Variants in RUFY2 observed in about 807,000 individuals in gnomAD.
The protein encoded by RUFY2 is RUN and FYVE domain containing 2, also known as RUN and FYVE domain-containing protein 2.
RUFY2 carries 49 observed loss-of-function variants against 94.4 expected under a neutral mutation model. The ratio of observed to expected loss-of-function variants is 0.52; its 90% CI spans 0.41 to 0.66. RUFY2 has a LOEUF of 0.66. Ranked by LOEUF, RUFY2 falls within the 30% of genes least tolerant of loss-of-function variation. The pLI is 0.00. For synonymous variants in RUFY2, 255 were observed against 235.7 expected (o/e 1.08, Z -0.75); for missense variants, 541 against 692.8 (o/e 0.78, Z 2.46).
chr10:68,384,920 T>C (rs10509301), intron 8 of RUFY2, among the ~76,000 whole-genome samples: 14,313 of 152,166 alleles, frequency 0.094, 1,004 homozygotes, highest in South Asian at 0.25. Flanking sequence ...TAAAGATGCA[T>C]TCTTAACTGC....
chr10:68,368,449 C>T (rs998092147), intron 13 of RUFY2, among the ~76,000 whole-genome samples: 2 of 150,296 alleles, frequency 1.3e-5, no homozygotes, highest in Non-Finnish European at 2.9e-5. Flanking sequence ...CACCTGAGGT[C>T]GGGAGTTCAA....
At chr10:68,381,666 G>C (rs545712871) in intron 10 of RUFY2, among the ~76,000 whole-genome samples, 2 of 152,094 alleles carry the variant, frequency 1.3e-5, no homozygotes, top group African/African-American at 4.8e-5. Flanking sequence ...CCAACATGGT[G>C]AAACTCCGTC....
At chr10:68,399,700 T>C (rs2050666541) in intron 3 of RUFY2, among the ~76,000 whole-genome samples, 1 of 152,180 alleles carries the variant, frequency 6.6e-6, no homozygotes. Context: ...TTACAGAAAA[T>C]GCTTAATGCA....
Position 68,403,298 on chromosome 10 carries a change from C to A in RUFY2, c.178+1373G>T, listed in dbSNP as rs183772046. ...CAGAGTCTCACTCTGTCACCCTGGG[C>A]TGGAATGCAGTGGCACGATCTCAGC... On this transcript the variant is annotated intron_variant, in intron 2 of 17. Coordinates refer to ENST00000602465, the MANE Select transcript of RUFY2 (RefSeq NM_001330103.2). Among the ~76,000 whole-genome samples the A allele has an allele frequency of 5.9e-4, 90 of 152,072 alleles. 1 individual carries two copies. The highest frequency in any genetic ancestry group is 2.1e-3 in the African/African-American group (87 of 41,484).
intron 13 of RUFY2, among the ~76,000 whole-genome samples, chr10:68,366,872 T>TAA (rs1291806978): frequency 7.1e-6 from 1 of 140,806 alleles, no homozygotes. Flanking sequence ...ATTAAATAAA[T>TAA]ATATATATAT....
intron 14 of RUFY2, 99 bp downstream of exon 14, chr10:68,363,885 G>T: frequency 1.0e-6 from 1 of 966,020 alleles, no homozygotes; most frequent in Non-Finnish European, 1.5e-6. Context: ...AAGATGACTA[G>T]TATATCCATT....
intron 7 of RUFY2, among the ~76,000 whole-genome samples, chr10:68,389,618 T>C (rs542099233): frequency 6.6e-6 from 1 of 151,126 alleles, no homozygotes; most frequent in East Asian, 2.0e-4. Flanking sequence ...TATTTTGAAC[T>C]GAATGGAATA....
At chr10:68,393,320 T>A in intron 6 of RUFY2, 117 bp from the exon 7 acceptor site, 1 of 550,930 alleles carries the variant, frequency 1.8e-6, no homozygotes, top group Non-Finnish European at 3.1e-6. Context: ...GTCTTGCCTT[T>A]AAAATAAAAC....
chr10:68,374,233 C>G (rs1185644869), intron 13 of RUFY2, among the ~76,000 whole-genome samples: 1 of 150,430 alleles, frequency 6.6e-6, no homozygotes, highest in Non-Finnish European at 1.5e-5. Flanking sequence ...GCTAGGAGTG[C>G]AAGACTAGCC....
chr10:68,398,945 G>A (rs2133165520), intron 3 of RUFY2, among the ~76,000 whole-genome samples: 1 of 151,824 alleles, frequency 6.6e-6, no homozygotes, highest in African/African-American at 2.4e-5. Context: ...TTGTTTTTGA[G>A]AGTTGAAATT....
intron 3 of RUFY2, among the ~76,000 whole-genome samples, chr10:68,399,256 G>A (rs938934434): frequency 5.9e-5 from 9 of 151,782 alleles, no homozygotes; most frequent in Admixed American, 3.9e-4. Context: ...ATGTTGCCCA[G>A]GCTGGTCTCG....
downstream of RUFY2, chr10:68,342,175 A>T: frequency 1.5e-6 from 1 of 655,180 alleles, no homozygotes; most frequent in South Asian, 2.7e-5. Flanking sequence ...TGTTTTCAAA[A>T]TATTATTTGG....
At chr10:68,341,376 G>A, downstream of RUFY2, 1 of 1,496,520 alleles carries the variant, frequency 6.7e-7, no homozygotes. Context: ...GAGGCTCTAA[G>A]ATCTGTAGGT....
intron 15 of RUFY2, among the ~76,000 whole-genome samples, chr10:68,361,679 A>C (rs531168926): frequency 6.6e-6 from 1 of 152,302 alleles, no homozygotes; most frequent in East Asian, 1.9e-4. Context: ...GGTTCTAGTG[A>C]ATTACTCCTT....
downstream of RUFY2, chr10:68,341,265 A>C: frequency 6.2e-7 from 1 of 1,606,678 alleles, no homozygotes; most frequent in Non-Finnish European, 8.5e-7. Context: ...TTTGTGACAC[A>C]TGAAGATGCA....
At chr10:68,394,921 G>T (rs7078731) in intron 4 of RUFY2, among the ~76,000 whole-genome samples, 16,510 of 151,826 alleles carry the variant, frequency 0.11, 1,108 homozygotes, top group South Asian at 0.24. Context: ...GAGCCACCGC[G>T]CCTAGCCAAC....
chr10:68,378,268 A>G, intron 12 of RUFY2: 1 of 1,089,474 alleles, frequency 9.2e-7, no homozygotes, highest in African/African-American at 1.6e-5. Context: ...CAATCTTTAT[A>G]TTTTTCATCA....
intron 10 of RUFY2, among the ~76,000 whole-genome samples, chr10:68,382,004 TC>T (rs1385247433): frequency 6.6e-6 from 1 of 152,198 alleles, no homozygotes; most frequent in Non-Finnish European, 1.5e-5. Context: ...AATGAAGCAG[TC>T]TGTACATGTA....
chr10:68,345,979 T>G (rs2046243733), intron 17 of RUFY2, 28 bp downstream of exon 17: 2 of 1,612,056 alleles, frequency 1.2e-6, no homozygotes, highest in Non-Finnish European at 1.7e-6. Flanking sequence ...CACTCCAAAT[T>G]TTTGGACTCA....
Sources: allele counts gnomAD v4.1 joint callset (sites outside exome capture counted in the v4.1 genomes callset), GRCh38; gene constraint gnomAD v4.1.1; transcripts MANE v1.5; gene names NCBI Gene and HGNC (gene_info 2026-07-23, HGNC 2026-07-21).